ADAMTS3: variants seen among roughly 807,000 people sequenced by gnomAD.
ADAMTS3 encodes the protein A disintegrin and metalloproteinase with thrombospondin motifs 3.
Under a neutral mutation model 129.0 loss-of-function variants are expected in ADAMTS3, and 73 were observed. That is an observed-to-expected ratio of 0.57 (90% CI 0.47 to 0.69). The LOEUF is 0.69. ADAMTS3 is among the 30% of genes least tolerant of loss of function. The probability of loss-of-function intolerance (pLI) is 0.00; values close to 1 mark genes in which losing one functional copy is unlikely to be tolerated. For missense variants in ADAMTS3, 1,457 were observed against 1,514.5 expected, an observed-to-expected ratio of 0.96 and a Z score of 0.63; for synonymous variants, 477 against 510.8, an observed-to-expected ratio of 0.93 and a Z score of 0.89.
At chr4:72,414,703 C>A (rs1722261222) in intron 4 of ADAMTS3, 112 bp downstream of exon 4, 12 of 821,406 alleles carry the variant, frequency 1.5e-5, no homozygotes, top group Non-Finnish European at 2.1e-5. Context: ...CTTTTTCTAT[C>A]TCCGCGTTAT....
intron 5 of ADAMTS3, among the ~76,000 whole-genome samples, chr4:72,332,287 A>T (rs1192256125): frequency 6.6e-6 from 1 of 152,234 alleles, no homozygotes; most frequent in African/African-American, 2.4e-5. Flanking sequence ...CAGTAACCAC[A>T]TATATTTGCT....
intron 3 of ADAMTS3, among the ~76,000 whole-genome samples, chr4:72,457,972 T>C (rs1718668636): frequency 6.7e-6 from 1 of 149,246 alleles, no homozygotes; most frequent in Admixed American, 6.7e-5. Flanking sequence ...TTTGGGAGAT[T>C]AAAGGACAGA....
chr4:72,356,017 C>T (rs536637222), intron 4 of ADAMTS3, among the ~76,000 whole-genome samples: 29 of 151,802 alleles, frequency 1.9e-4, no homozygotes, highest in Admixed American at 1.1e-3. Flanking sequence ...TAAAAAACTC[C>T]GGTAATTAAT....
rs1466229686 is a variant in ADAMTS3, at chr4:72,348,775, C to G, written c.662-9082G>C. Among the ~76,000 whole-genome samples, 7 of 151,394 alleles carry G rather than the reference C, an allele frequency of 4.6e-5. 1 individual carries two copies. The highest frequency in any genetic ancestry group is 4.0e-4 in the Admixed American group (6 of 15,124). On this transcript the variant is annotated intron_variant, in intron 4 of 21. Transcript: ENST00000286657. ...GAGATGGATGGATTCTGCTCCTGGA[C>G]AGGAGAGAGGTATCTAGTTGCTGAC...
intron 3 of ADAMTS3, among the ~76,000 whole-genome samples, chr4:72,545,182 T>C (rs914954020): frequency 6.6e-6 from 1 of 152,146 alleles, no homozygotes; most frequent in Non-Finnish European, 1.5e-5. Flanking sequence ...TACAGATTTT[T>C]AAAAAATGAA....
In ADAMTS3 at chr4:72,514,529, G is replaced by C. The variant is rs1280458828; in HGVS notation, c.504+33949C>G. 2.0e-5 allele frequency among the ~76,000 whole-genome samples: 3 copies of C among 152,150 alleles called. No individual in the cohort carries two copies. In the East Asian group the frequency reaches 5.8e-4, roughly 29 times the overall value. On this transcript the variant is annotated intron_variant, in intron 3 of 21. Transcript: ENST00000286657. The stretch of plus-strand genomic sequence containing the variant: ...AAACTCTCTCGCAGAAGTTTTGTTA[G>C]ATTTTTATCCAGCTAGGCTTCTCTG...
intron 4 of ADAMTS3, among the ~76,000 whole-genome samples, chr4:72,394,148 A>G (rs892664145): frequency 3.9e-5 from 6 of 152,142 alleles, no homozygotes; most frequent in African/African-American, 1.4e-4. Flanking sequence ...GAAAGCCCCA[A>G]AAAACCCACA....
chr4:72,474,147 G>C (rs1719160996), intron 3 of ADAMTS3, among the ~76,000 whole-genome samples: 1 of 152,116 alleles, frequency 6.6e-6, no homozygotes, highest in Admixed American at 6.5e-5. Flanking sequence ...ATATGAAAAA[G>C]TCCAGATATA....
intron 2 of ADAMTS3, among the ~76,000 whole-genome samples, chr4:72,559,673 A>G (rs1341747656): frequency 1.3e-5 from 2 of 151,944 alleles, no homozygotes; most frequent in East Asian, 1.9e-4. Flanking sequence ...TCAAAGACAC[A>G]CTAATAACAA....
chr4:72,550,050 AGG>A (rs1414585540), intron 2 of ADAMTS3, among the ~76,000 whole-genome samples: 1 of 6,000 alleles, frequency 1.7e-4, no homozygotes, highest in African/African-American at 4.9e-4. Context: ...GAAGAGGAAG[AGG>A]AAGAGGAAGA....
At chr4:72,407,789 A>T (rs1376735352) in intron 4 of ADAMTS3, among the ~76,000 whole-genome samples, 4 of 152,174 alleles carry the variant, frequency 2.6e-5, no homozygotes, top group African/African-American at 9.6e-5. Context: ...GAAAGATGAA[A>T]AAACTTCTTT....
At chr4:72,319,552 C>T in intron 8 of ADAMTS3, 77 bp from the exon 9 acceptor site, 1 of 1,500,558 alleles carries the variant, frequency 6.7e-7, no homozygotes, top group Non-Finnish European at 9.0e-7. Flanking sequence ...AAAATAAGCC[C>T]TGGGAAATAA....
intron 3 of ADAMTS3, among the ~76,000 whole-genome samples, chr4:72,504,976 T>C (rs1180432976): frequency 1.3e-5 from 2 of 152,204 alleles, no homozygotes; most frequent in African/African-American, 4.8e-5. Flanking sequence ...CTTTAGAAGA[T>C]TTCTTTGTGT....
intron 4 of ADAMTS3, among the ~76,000 whole-genome samples, chr4:72,354,274 C>T (rs1452261322): frequency 4.0e-5 from 6 of 151,816 alleles, no homozygotes; most frequent in Non-Finnish European, 8.8e-5. Context: ...CCTCCCAACC[C>T]CTCTCCAGTC....
Position 72,560,997 on chromosome 4 carries a change from T to C in ADAMTS3, c.97+6377A>G, listed in dbSNP as rs184505379. Among the ~76,000 whole-genome samples the C allele has an allele frequency of 4.6e-5, 7 of 152,304 alleles. No homozygotes were observed. In the East Asian group the frequency reaches 7.7e-4, roughly 17 times the overall value. On this transcript the variant is annotated intron_variant, in intron 2 of 21. Coordinates refer to ENST00000286657, the MANE Select transcript of ADAMTS3 (RefSeq NM_014243.3). ...AGTGTCTGTGCTCCTGACCACTTGA[T>C]AGAGGAAATATGAGTATTAACAGGT...
intron 3 of ADAMTS3, among the ~76,000 whole-genome samples, chr4:72,530,459 T>TTATA (rs1212472373): frequency 2.2e-5 from 2 of 90,418 alleles, no homozygotes; most frequent in African/African-American, 9.0e-5. Context: ...ATATTATATA[T>TTATA]TAAATATATT....
intron 21 of ADAMTS3, among the ~76,000 whole-genome samples, chr4:72,288,084 T>G (rs1283748853): frequency 3.3e-5 from 5 of 152,200 alleles, no homozygotes; most frequent in Non-Finnish European, 7.3e-5. Flanking sequence ...CAGGCTGGTC[T>G]CGAACTCCTG....
chr4:72,450,986 G>GAAGAGAAGAGAAGAGAAGAGAAGAA (rs1424075163), intron 3 of ADAMTS3, among the ~76,000 whole-genome samples: 882 of 66,924 alleles, frequency 0.013, 19 homozygotes, highest in African/African-American at 0.051. Flanking sequence ...GAAGAGAAGA[G>GAAGAGAAGAGAAGAGAAGAGAAGAA]AAGAGAAGAG....
intron 3 of ADAMTS3, among the ~76,000 whole-genome samples, chr4:72,546,447 G>A (rs1229154760): frequency 3.2e-5 from 3 of 93,708 alleles, no homozygotes; most frequent in Admixed American, 2.6e-4. Flanking sequence ...AATTACAAAT[G>A]TTAAAAAAAA....
Sources: allele counts gnomAD v4.1 joint callset (sites outside exome capture counted in the v4.1 genomes callset), GRCh38; gene constraint gnomAD v4.1.1; transcripts MANE v1.5; gene names NCBI Gene and HGNC (gene_info 2026-07-23, HGNC 2026-07-21).